Variants in BTNL8 observed in about 807,000 individuals in gnomAD.
BTNL8 encodes butyrophilin-like protein 8.
A neutral mutation model predicts 36.1 loss-of-function variants in BTNL8; 22 were observed. The observed-to-expected ratio is 0.61, with a 90% CI of 0.44 to 0.87. The LOEUF is 0.87. Among genes scored for constraint, BTNL8 ranks in the 40% least tolerant of loss-of-function variants. The pLI is 0.00. For missense variants in BTNL8, 526 were observed against 616.9 expected (o/e 0.85, Z 1.56); for synonymous variants, 203 against 235.6 (o/e 0.86, Z 1.27).
intron 3 of BTNL8, among the ~76,000 whole-genome samples, chr5:180,919,589 AATCAGAAAGG>A (rs1334707004): frequency 6.6e-6 from 1 of 152,216 alleles, no homozygotes; most frequent in Non-Finnish European, 1.5e-5. Flanking sequence ...AAAGCAACCA[AATCAGAAAGG>A]AAGAAACATA....
In BTNL8 at chr5:180,911,388, C is replaced by A; in HGVS notation, c.447C>A (p.Asp149Glu). ...CCATCACGGGATATGTTGATAGAGA[C>A]ATCCAGCTACTCTGTCAGTCCTCGG... ...LISITGYVDR[D>E]IQLLCQSSGW... is the part of the protein sequence containing the mutation. The change falls in exon 3 of 8, where the codon GAC (aspartate) becomes GAA (glutamate). Residue 149 changes from aspartate (D) to glutamate (E), a missense_variant. Transcript: ENST00000340184. 6.2e-7 allele frequency: 1 copy of A among 1,614,152 alleles called. No homozygotes were observed. Among genetic ancestry groups the A allele is most frequent in the South Asian group, 1.1e-5 (1 of 91,078 alleles).
chr5:180,904,042 T>C (rs200367174), intron 1 of BTNL8, among the ~76,000 whole-genome samples: 20,545 of 104,882 alleles, frequency 0.2, 252 homozygotes, highest in African/African-American at 0.35. Context: ...TTTAAAGTAG[T>C]TTTTTCCAAT....
intron 3 of BTNL8, among the ~76,000 whole-genome samples, chr5:180,932,461 C>T (rs1758437125): frequency 6.6e-6 from 1 of 152,214 alleles, no homozygotes; most frequent in African/African-American, 2.4e-5. Context: ...ATTCTCCTGC[C>T]TCAGTCTCCC....
chr5:180,899,163 C>A lies in BTNL8; in HGVS notation c.-148C>A. 1 of 819,212 alleles carries A rather than the reference C, an allele frequency of 1.2e-6. No individual in the cohort carries two copies. Among genetic ancestry groups the A allele is most frequent in the Non-Finnish European group, 2.0e-6 (1 of 489,884 alleles). The allele number at this position is 819,212 out of a possible 1,614,324, so 50.7% of individuals were successfully genotyped here. On this transcript the variant is annotated 5_prime_UTR_variant, in exon 1 of 8. Coordinates refer to ENST00000340184, the MANE Select transcript of BTNL8 (RefSeq NM_001040462.3). ...GTCTCGATGGAGTAGACTCTCAGAA[C>A]AGCGCAGTTTGCCCTCCGCTCACGC...
At chr5:180,929,202 C>A (rs1049159208) in intron 3 of BTNL8, among the ~76,000 whole-genome samples, 5 of 152,156 alleles carry the variant, frequency 3.3e-5, no homozygotes, top group African/African-American at 1.2e-4. Flanking sequence ...ACAACCTATT[C>A]CTGAATGACT....
rs1449515998 is a variant in BTNL8 at position 180,906,524 on chromosome 5, T to C, written c.50-2062T>C. Among the ~76,000 whole-genome samples the C allele has an allele frequency of 5.6e-5, 7 of 125,332 alleles. 1 individual carries two copies. Among genetic ancestry groups the C allele is most frequent in the Admixed American group, 4.6e-4 (6 of 13,008 alleles). 82.2% of individuals were successfully genotyped at this position (125,332 alleles called of 152,430 possible). On this transcript the variant is annotated intron_variant, in intron 1 of 7. Transcript: ENST00000340184. ...ATTGGAGCATTTAGTCCATTTACAT[T>C]TAACGTTAATATTGTTATGTGTGAA...
chr5:180,943,372 T>G (rs1277376462), intron 3 of BTNL8, among the ~76,000 whole-genome samples: 1 of 152,012 alleles, frequency 6.6e-6, no homozygotes, highest in African/African-American at 2.4e-5. Flanking sequence ...TGACCTCAGG[T>G]GATCCATCCA....
At chr5:180,902,593 T>C (rs532571734) in intron 1 of BTNL8, among the ~76,000 whole-genome samples, 2 of 151,558 alleles carry the variant, frequency 1.3e-5, no homozygotes, top group South Asian at 4.2e-4. Flanking sequence ...GTTACATATG[T>C]ATACATGTGC....
At chr5:180,928,859 ATAG>A (rs1193060298) in intron 3 of BTNL8, among the ~76,000 whole-genome samples, 2 of 152,226 alleles carry the variant, frequency 1.3e-5, no homozygotes, top group African/African-American at 4.8e-5. Context: ...CCACACAATA[ATAG>A]TGGAAGATTT....
At chr5:180,910,879 T>C (rs1020306102) in intron 2 of BTNL8, among the ~76,000 whole-genome samples, 2 of 152,212 alleles carry the variant, frequency 1.3e-5, no homozygotes, top group African/African-American at 4.8e-5. Flanking sequence ...ACACGTGTGA[T>C]GATCCATCTG....
In BTNL8 at chr5:180,906,618, C is replaced by T. The variant is rs1582008560; in HGVS notation, c.50-1968C>T. On this transcript the variant is annotated intron_variant, in intron 1 of 7. Transcript: ENST00000340184. ...AGTTGATGCAGTTTCTTCCTACTCT[C>T]GATGGTCTTTACATTTTGGCATGAT... Among the ~76,000 whole-genome samples the T allele has an allele frequency of 3.4e-5, 4 of 119,246 alleles. 1 individual carries two copies. The highest frequency in any genetic ancestry group is 8.6e-5 in the African/African-American group (2 of 23,364). The allele number at this position is 119,246 out of a possible 152,430, so 78.2% of individuals were successfully genotyped here.
At chr5:180,936,884 A>G (rs1758674129) in intron 3 of BTNL8, among the ~76,000 whole-genome samples, 1 of 152,114 alleles carries the variant, frequency 6.6e-6, no homozygotes, top group Admixed American at 6.5e-5. Context: ...TACACCACAC[A>G]TGTTCCCCAG....
chr5:180,899,460 T>C, intron 1 of BTNL8, 101 bp downstream of exon 1: 1 of 1,317,850 alleles, frequency 7.6e-7, no homozygotes, highest in East Asian at 2.3e-5. Context: ...GTCGTTTCCA[T>C]TCCTTTGGCT....
At chr5:180,938,263 A>G (rs1463093304) in intron 3 of BTNL8, among the ~76,000 whole-genome samples, 1 of 152,200 alleles carries the variant, frequency 6.6e-6, no homozygotes, top group Non-Finnish European at 1.5e-5. Context: ...AGAAGAAGAG[A>G]TGAGAGATGG....
At chr5:180,909,569 C>T in intron 2 of BTNL8, 1 of 985,484 alleles carries the variant, frequency 1.0e-6, no homozygotes, top group Non-Finnish European at 1.2e-6. Flanking sequence ...TCCATAGTCA[C>T]ACCCTTCACA....
intron 3 of BTNL8, among the ~76,000 whole-genome samples, chr5:180,932,083 T>A (rs2962293): frequency 1 from 152,307 of 152,326 alleles, 76,144 homozygotes; most frequent in Middle Eastern, 1. Context: ...GATAGGCTGG[T>A]TAAATAAAAT....
chr5:180,905,065 C>G (rs1435921786), intron 1 of BTNL8, among the ~76,000 whole-genome samples: 1 of 151,062 alleles, frequency 6.6e-6, no homozygotes, highest in Non-Finnish European at 1.5e-5. Flanking sequence ...AGGATTCCCT[C>G]TTTTTCTATT....
intron 4 of BTNL8, chr5:180,948,059 C>T (rs971719904): frequency 8.2e-5 from 53 of 646,090 alleles, no homozygotes; most frequent in Middle Eastern, 4.3e-4. Context: ...GACACTTCCC[C>T]TTGGGGGTGA....
Position 180,942,208 on chromosome 5 carries a change from T to C in BTNL8, c.674-5304T>C, listed in dbSNP as rs1347025594. On this transcript the variant is annotated intron_variant, in intron 3 of 7. Coordinates refer to ENST00000340184, the MANE Select transcript of BTNL8 (RefSeq NM_001040462.3). ...ATCATTTACAATAGCTACAACAAAA[T>C]AAAATACCAAGGAATAAGTTTAACC... Among the ~76,000 whole-genome samples, 3 of 151,784 alleles carry C rather than the reference T, an allele frequency of 2.0e-5. No homozygotes were observed. In the South Asian group the frequency reaches 6.2e-4, roughly 32 times the overall value.
Sources: gnomAD v4.1 joint callset for allele counts (sites outside exome capture counted in the v4.1 genomes callset) on GRCh38, gnomAD v4.1.1 for gene constraint, MANE v1.5 for transcripts, NCBI Gene and HGNC (gene_info 2026-07-23, HGNC 2026-07-21) for gene names.